NUMA1: variants seen among roughly 807,000 people sequenced by gnomAD.
The protein encoded by NUMA1 is nuclear mitotic apparatus protein 1.
NUMA1 carries 62 observed loss-of-function variants against 237.1 expected under a neutral mutation model. That is an observed-to-expected ratio of 0.26 (90% CI 0.21 to 0.32). The LOEUF is 0.32. Among genes scored for constraint, NUMA1 ranks in the 10% least tolerant of loss-of-function variants. NUMA1 has a pLI of 1.00. For synonymous variants in NUMA1, 1,028 were observed against 1,066.1 expected (o/e 0.96, Z 0.70); for missense variants, 2,533 against 2,666.5 (o/e 0.95, Z 1.10).
intron 20 of NUMA1, chr11:72,008,092 C>T (rs1180114838): frequency 4.2e-6 from 2 of 478,184 alleles, no homozygotes; most frequent in Non-Finnish European, 8.4e-6. Context: ...ATAAACCTAC[C>T]TCAGAGGGTT....
intron 5 of NUMA1, among the ~76,000 whole-genome samples, chr11:72,023,388 G>GC (rs1939154195): frequency 6.6e-6 from 1 of 152,200 alleles, no homozygotes; most frequent in African/African-American, 2.4e-5. Context: ...GGAATTCACA[G>GC]CAACTCTGGG....
chr11:72,013,662 C>T lies in NUMA1; in HGVS notation c.3841G>A (p.Ala1281Thr). The stretch of plus-strand genomic sequence containing the variant: ...GCAGAGCTGCGTTCTGCAGCTCTGG[C>T]ACTGTTGCTGGCTGTCTCTGCCTGC... ...LLQAETASNSARAAERSSALR... is the reference protein window; with the variant it reads ...LLQAETASNSTRAAERSSALR... Residue 1281 changes from alanine (A) to threonine (T), a missense_variant, in exon 15 of 27, where the codon GCC (alanine) becomes ACC (threonine). By Grantham distance (58) the Ala-to-Thr change is moderately conservative (BLOSUM62 0). Coordinates refer to ENST00000393695, the MANE Select transcript of NUMA1 (RefSeq NM_006185.4). The surrounding 1 kb of genome is among the most constrained non-coding windows in gnomAD (Gnocchi z 6.8). The T allele has an allele frequency of 1.2e-6, 2 of 1,609,496 alleles. No homozygotes were observed. The highest frequency in any genetic ancestry group is 8.5e-7 in the Non-Finnish European group (1 of 1,179,956).
Position 72,018,565 on chromosome 11 carries a change from C to T in NUMA1, c.743-52G>A, listed in dbSNP as rs780431975. 6.1e-6 allele frequency: 9 copies of T among 1,478,362 alleles called. No homozygotes were observed. In the African/African-American group the frequency reaches 6.9e-5, roughly 11 times the overall value. 91.6% of individuals were successfully genotyped at this position (1,478,362 alleles called of 1,614,324 possible). A position where few individuals can be genotyped will look rare whatever the true frequency, so the allele number is the denominator to read the frequency against. ...GGAGAATCAGAACTATGTGCATGAG[C>T]GGAACTATGTGCACAGAACTATGTG... On this transcript the variant is annotated intron_variant, in intron 10 of 26. Coordinates refer to ENST00000393695, the MANE Select transcript of NUMA1 (RefSeq NM_006185.4).
chr11:72,074,568 G>A (rs1327150429), intron 1 of NUMA1, among the ~76,000 whole-genome samples: 4 of 151,810 alleles, frequency 2.6e-5, no homozygotes, highest in African/African-American at 2.4e-5. Context: ...GTGAGACCTC[G>A]TCTCTACTAA....
intron 2 of NUMA1, among the ~76,000 whole-genome samples, chr11:72,048,435 G>A (rs893401974): frequency 2.6e-5 from 4 of 151,884 alleles, no homozygotes; most frequent in African/African-American, 7.3e-5. Context: ...ACAATGGCAC[G>A]ACCTCAGCTC....
rs760983256 is a variant in NUMA1, at chr11:72,010,826, T to C, written c.4679A>G (p.Asp1560Gly). The change falls in exon 17 of 27, where the codon GAC becomes GGC. Residue 1560 changes from aspartate (D) to glycine (G), a missense_variant. By Grantham distance (94) the Asp-to-Gly change is moderately conservative. Transcript: ENST00000393695. ...QVEELSKKLA[D>G]SDQASKVQQQ... is the part of the protein sequence containing the mutation. ...CTGCACCTTGCTGGCTTGGTCAGAG[T>C]CAGCCAGTTTCTTACTCAGTTCTTC... The C allele has an allele frequency of 1.2e-6, 2 of 1,613,780 alleles. No individual in the cohort carries two copies. The highest frequency in any genetic ancestry group is 4.5e-5 in the East Asian group (2 of 44,878).
intron 8 of NUMA1, chr11:72,020,920 G>C (rs949083408): frequency 3.1e-6 from 1 of 321,982 alleles, no homozygotes; most frequent in Admixed American, 4.6e-5. Flanking sequence ...CAGCTTCTAA[G>C]CCTAGAGTAA....
At chr11:72,004,430 T>C (rs1955530830) in intron 24 of NUMA1, 89 bp from the exon 25 acceptor site, 1 of 1,308,928 alleles carries the variant, frequency 7.6e-7, no homozygotes, top group South Asian at 1.2e-5. Context: ...TGAGTGGACC[T>C]TGTAAGTCAA....
chr11:72,068,669 C>T (rs1453840023), intron 2 of NUMA1: 2 of 152,014 alleles, frequency 1.3e-5, no homozygotes, highest in Admixed American at 6.6e-5. Context: ...TCTAGTCACC[C>T]CAACCTATAA....
At chr11:72,003,769 AC>A (rs1955439858) in intron 26 of NUMA1, 117 bp downstream of exon 26, 5 of 1,143,752 alleles carry the variant, frequency 4.4e-6, no homozygotes, top group Non-Finnish European at 6.4e-6. Context: ...GACACCTCTT[AC>A]CCCACACCCT....
intron 2 of NUMA1, among the ~76,000 whole-genome samples, chr11:72,037,776 TG>T (rs1197666535): frequency 2.6e-5 from 4 of 152,210 alleles, no homozygotes; most frequent in African/African-American, 9.6e-5. Flanking sequence ...ACCTGGGCTT[TG>T]GCAAGGGCAA....
Position 72,039,210 on chromosome 11 carries a change from T to TG in NUMA1, c.-32-3236dup, listed in dbSNP as rs1941389107. Among the ~76,000 whole-genome samples the TG allele has an allele frequency of 2.6e-5, 4 of 152,356 alleles. No individual in the cohort carries two copies. In the South Asian group the frequency reaches 8.3e-4, roughly 32 times the overall value. ...GATTTCCTACCAGGGCTGAGGCTAA[T>TG]GTAAACCACCTGCTCAGACACAAGA... On this transcript the variant is annotated intron_variant, in intron 2 of 26. Transcript: ENST00000393695.
intron 20 of NUMA1, 94 bp from the exon 21 acceptor site, chr11:72,007,529 C>T (rs775818365): frequency 6.8e-7 from 1 of 1,471,290 alleles, no homozygotes; most frequent in Non-Finnish European, 9.2e-7. Context: ...ATCCTTACTA[C>T]AAGCAGATGA....
intron 2 of NUMA1, chr11:72,068,606 GA>G (rs1188032903): frequency 6.6e-6 from 1 of 152,110 alleles, no homozygotes; most frequent in Non-Finnish European, 1.5e-5. Context: ...GGGTGACAGA[GA>G]GAGACCCTGT....
chr11:72,030,682 T>G (rs926914976), intron 3 of NUMA1, among the ~76,000 whole-genome samples: 1 of 152,222 alleles, frequency 6.6e-6, no homozygotes, highest in African/African-American at 2.4e-5. Context: ...TATTCACATA[T>G]TCAACACTAA....
chr11:72,066,928 C>A (rs994242082), intron 2 of NUMA1: 4 of 152,202 alleles, frequency 2.6e-5, no homozygotes, highest in African/African-American at 9.7e-5. Flanking sequence ...CCAGGGATGG[C>A]AAATTGTCAA....
Position 72,018,441 on chromosome 11 carries a change from G to A in NUMA1, c.815C>T (p.Pro272Leu). ...CTCCTCAAGCTCCTTGGGCTCCAGTGGGCTGGCCGCCTGCTTCTCATTCAG... is the reference window on the plus strand; with the variant it reads ...CTCCTCAAGCTCCTTGGGCTCCAGTAGGCTGGCCGCCTGCTTCTCATTCAG... ...ALLNEKQAAS[P>L]LEPKELEELR... The change falls in exon 11 of 27, where the codon CCA (proline) becomes CTA (leucine). Residue 272 changes from proline to leucine, a missense_variant. Transcript: ENST00000393695. 6.2e-7 allele frequency: 1 copy of A among 1,614,158 alleles called. No individual in the cohort carries two copies. Among genetic ancestry groups the A allele is most frequent in the South Asian group, 1.1e-5 (1 of 91,072 alleles).
At chr11:72,011,525 G>A (rs1956162217) in intron 16 of NUMA1, among the ~76,000 whole-genome samples, 1 of 152,224 alleles carries the variant, frequency 6.6e-6, no homozygotes, top group African/African-American at 2.4e-5. Flanking sequence ...CATTCTGGGA[G>A]TTCAAGCATG....
Position 72,015,649 on chromosome 11 carries a change from C to T in NUMA1, c.1854G>A (p.Glu618=). 1 of 1,613,884 alleles carries T rather than the reference C, an allele frequency of 6.2e-7. No homozygotes were observed. Among genetic ancestry groups the T allele is most frequent in the Non-Finnish European group, 8.5e-7 (1 of 1,180,038 alleles). The change falls in exon 15 of 27, where the codon GAG becomes GAA. Residue 618 remains glutamate (E), a synonymous_variant. Coordinates refer to ENST00000393695, the MANE Select transcript of NUMA1 (RefSeq NM_006185.4). This position sits in a 1 kb window ranked among gnomAD's most constrained non-coding sequence, Gnocchi z 4.0. ...ALEKEKAAKL[E]ILQQQLQVAN... ...CCACCTGAAGTTGCTGCTGCAGAAT[C>T]TCCAGCTTGGCAGCCTTCTCCTTCT...
Sources: gnomAD v4.1 joint callset for allele counts (sites outside exome capture counted in the v4.1 genomes callset) on GRCh38, gnomAD v4.1.1 for gene constraint, Gnocchi (gnomAD v3.1) non-coding constraint, MANE v1.5 for transcripts, NCBI Gene and HGNC (gene_info 2026-07-23, HGNC 2026-07-21) for gene names.